PPFIA1: variants seen among roughly 807,000 people sequenced by gnomAD.
PPFIA1 encodes the protein liprin-alpha-1.
Under a neutral mutation model 149.9 loss-of-function variants are expected in PPFIA1, and 25 were observed. The observed-to-expected ratio is 0.17, with a 90% CI of 0.12 to 0.23. The LOEUF is 0.23. PPFIA1 is among the 10% of genes least tolerant of loss of function. The pLI, the probability that PPFIA1 is intolerant of heterozygous loss-of-function variation, is 1.00. For missense variants in PPFIA1, 1,362 were observed against 1,506.5 expected (o/e 0.90, Z 1.59); for synonymous variants, 549 against 552.8 (o/e 0.99, Z 0.10).
chr11:70,286,758 T>C (rs561095177), intron 2 of PPFIA1, among the ~76,000 whole-genome samples: 173 of 146,386 alleles, frequency 1.2e-3, no homozygotes, highest in Non-Finnish European at 1.6e-3. Context: ...TTCTTTCTTT[T>C]TTTTTTTTTT....
At chr11:70,271,234 C>T (rs1033561941) in intron 1 of PPFIA1, 1 of 152,364 alleles carries the variant, frequency 6.6e-6, no homozygotes, top group African/African-American at 2.4e-5. Flanking sequence ...CGGTCCTCAC[C>T]CCCCGGGGTT....
intron 2 of PPFIA1, among the ~76,000 whole-genome samples, chr11:70,286,153 G>T (rs1485101293): frequency 6.6e-6 from 1 of 152,144 alleles, no homozygotes; most frequent in East Asian, 1.9e-4. Flanking sequence ...ATTTGGGCAG[G>T]CTTTGGGCTC....
intron 15 of PPFIA1, among the ~76,000 whole-genome samples, chr11:70,346,200 G>T (rs1316006324): frequency 6.6e-6 from 1 of 152,160 alleles, no homozygotes; most frequent in Non-Finnish European, 1.5e-5. Flanking sequence ...TGACCAGGGG[G>T]TGCCTGGGAT....
intron 1 of PPFIA1, 190 bp from the exon 2 acceptor site, chr11:70,271,983 C>A (rs1590999122): frequency 1.5e-6 from 1 of 682,828 alleles, no homozygotes; most frequent in Non-Finnish European, 2.5e-6. Flanking sequence ...TTAATGTCTT[C>A]ATGTTGTGTA....
At chr11:70,308,287 A>ATC (rs1700165414) in intron 2 of PPFIA1, among the ~76,000 whole-genome samples, 1 of 152,184 alleles carries the variant, frequency 6.6e-6, no homozygotes, top group Non-Finnish European at 1.5e-5. Flanking sequence ...ACCTCAAGTG[A>ATC]TCTGCCTACC....
Position 70,303,938 on chromosome 11 carries a change from G to A in PPFIA1, c.265-20464G>A, listed in dbSNP as rs185820598. Among the ~76,000 whole-genome samples, 58 of 152,302 alleles carry A rather than the reference G, an allele frequency of 3.8e-4. 1 individual carries two copies. The highest frequency in any genetic ancestry group is 1.3e-3 in the African/African-American group (56 of 41,572). ...GGAGAATCACTTGAACCCAGGAGGC[G>A]GAGGTTGCGGTGAGCTGAGATCGCG... On this transcript the variant is annotated intron_variant, in intron 2 of 27. Coordinates refer to ENST00000253925, the MANE Select transcript of PPFIA1 (RefSeq NM_003626.5).
chr11:70,330,869 CAA>C (rs1204119732), intron 8 of PPFIA1, among the ~76,000 whole-genome samples: 1 of 152,082 alleles, frequency 6.6e-6, no homozygotes, highest in Non-Finnish European at 1.5e-5. Context: ...CCCTGGAGTT[CAA>C]GGCTTCATTG....
chr11:70,282,105 G>A (rs2050796459), intron 2 of PPFIA1, among the ~76,000 whole-genome samples: 1 of 151,368 alleles, frequency 6.6e-6, no homozygotes, highest in Non-Finnish European at 1.5e-5. Context: ...ATTTGCCCCT[G>A]CCCAGTCACT....
intron 2 of PPFIA1, among the ~76,000 whole-genome samples, chr11:70,278,539 T>C (rs2050554374): frequency 1.3e-5 from 2 of 152,220 alleles, no homozygotes; most frequent in Non-Finnish European, 2.9e-5. Context: ...TATTTTTATT[T>C]TTTGGAGAGG....
intron 13 of PPFIA1, 126 bp from the exon 14 acceptor site, chr11:70,339,045 G>A (rs1361678447): frequency 3.5e-6 from 4 of 1,144,668 alleles, no homozygotes; most frequent in Non-Finnish European, 4.9e-6. Context: ...GATGAGAGCA[G>A]TGCCCTCCCT....
At chr11:70,291,530 A>G (rs2051522218) in intron 2 of PPFIA1, among the ~76,000 whole-genome samples, 1 of 152,174 alleles carries the variant, frequency 6.6e-6, no homozygotes. Context: ...AGGCGTTCAC[A>G]CTGGAGGGCG....
chr11:70,295,090 G>T (rs2051818617), intron 2 of PPFIA1, among the ~76,000 whole-genome samples: 1 of 151,936 alleles, frequency 6.6e-6, no homozygotes, highest in Admixed American at 6.6e-5. Flanking sequence ...AGACGGGGTG[G>T]TGGCCGGGCA....
chr11:70,345,625 C>A (rs1024653331), intron 15 of PPFIA1, among the ~76,000 whole-genome samples: 6 of 151,830 alleles, frequency 4.0e-5, no homozygotes, highest in Admixed American at 3.3e-4. Context: ...TGTGTTCAGA[C>A]CAGCCTTGGC....
chr11:70,354,181 CT>C, intron 16 of PPFIA1, 119 bp from the exon 17 acceptor site: 1 of 1,076,134 alleles, frequency 9.3e-7, no homozygotes, highest in Non-Finnish European at 1.3e-6. Context: ...TGAAACAAGA[CT>C]TTCTGTGCTG....
At position 70,332,793 on chromosome 11, in the gene PPFIA1, C is replaced by T. The variant is rs369964909; in HGVS notation, c.1213-677C>T. 1.4e-4 allele frequency among the ~76,000 whole-genome samples: 22 copies of T among 152,330 alleles called. No homozygotes were observed. In the East Asian group the frequency reaches 2.9e-3, roughly 20 times the overall value. ...GTGCCAGGCAGGCGAGCAGCAGGAGCTGAGGCCCCTGTCTGTCGTCCTGAG... is the reference window on the plus strand; with the variant it reads ...GTGCCAGGCAGGCGAGCAGCAGGAGTTGAGGCCCCTGTCTGTCGTCCTGAG... On this transcript the variant is annotated intron_variant, in intron 9 of 27. Coordinates refer to ENST00000253925, the MANE Select transcript of PPFIA1 (RefSeq NM_003626.5).
chr11:70,352,893 C>A (rs67093918), intron 16 of PPFIA1, among the ~76,000 whole-genome samples: 26,844 of 151,740 alleles, frequency 0.18, 3,106 homozygotes, highest in African/African-American at 0.32. Context: ...GACCCTGTTA[C>A]CAGCTTATAG....
At chr11:70,288,967 G>T (rs972638308) in intron 2 of PPFIA1, among the ~76,000 whole-genome samples, 160 of 124,098 alleles carry the variant, frequency 1.3e-3, no homozygotes, top group Non-Finnish European at 1.8e-3. Flanking sequence ...GCATCTGGTT[G>T]TTTTTTTTTT....
At chr11:70,351,665 C>T (rs373846031) in intron 16 of PPFIA1, among the ~76,000 whole-genome samples, 2 of 152,160 alleles carry the variant, frequency 1.3e-5, no homozygotes, top group East Asian at 3.8e-4. Flanking sequence ...TTGGGATGCT[C>T]AACCCGTATT....
intron 14 of PPFIA1, among the ~76,000 whole-genome samples, chr11:70,342,460 T>C (rs2055393553): frequency 6.6e-6 from 1 of 152,178 alleles, no homozygotes; most frequent in Non-Finnish European, 1.5e-5. Context: ...CCCTCTGCAT[T>C]CTGATGACAT....
Sources: gnomAD v4.1 joint callset for allele counts (sites outside exome capture counted in the v4.1 genomes callset) on GRCh38, gnomAD v4.1.1 for gene constraint, MANE v1.5 for transcripts, NCBI Gene and HGNC (gene_info 2026-07-23, HGNC 2026-07-21) for gene names.